The following ELMO1 variants were observed in gnomAD, a reference collection of about 807,000 sequenced individuals.
ELMO1 encodes the protein engulfment and cell motility protein 1.
Under a neutral mutation model 98.9 loss-of-function variants are expected in ELMO1, and 26 were observed. That is an observed-to-expected ratio of 0.26 (90% CI 0.19 to 0.36). The LOEUF (loss-of-function observed/expected upper bound fraction) is 0.36. Ranked by LOEUF, ELMO1 falls within the 10% of genes least tolerant of loss-of-function variation. The probability of loss-of-function intolerance (pLI) is 1.00; values close to 1 mark genes in which losing one functional copy is unlikely to be tolerated. For synonymous variants in ELMO1, 346 were observed against 346.0 expected (o/e 1.00, Z 0.00); for missense variants, 627 against 935.2 (o/e 0.67, Z 4.30).
chr7:37,421,226 C>T (rs1804457658), intron 1 of ELMO1, among the ~76,000 whole-genome samples: 2 of 152,324 alleles, frequency 1.3e-5, no homozygotes, highest in African/African-American at 2.4e-5. Flanking sequence ...AACACAACAG[C>T]CCATTTCAAG....
At chr7:37,354,894 C>A (rs1320008345) in intron 1 of ELMO1, among the ~76,000 whole-genome samples, 1 of 152,206 alleles carries the variant, frequency 6.6e-6, no homozygotes, top group African/African-American at 2.4e-5. Flanking sequence ...TTGGGCCTCT[C>A]TCCAGCAACA....
intron 12 of ELMO1, among the ~76,000 whole-genome samples, chr7:37,212,192 G>C (rs756131601): frequency 6.6e-6 from 1 of 152,190 alleles, no homozygotes; most frequent in African/African-American, 2.4e-5. Context: ...TTCATAGACA[G>C]AAACTAGAAT....
intron 1 of ELMO1, among the ~76,000 whole-genome samples, chr7:37,386,383 G>C (rs1802802234): frequency 6.6e-6 from 1 of 151,754 alleles, no homozygotes; most frequent in African/African-American, 2.4e-5. Flanking sequence ...GCTGGAGGGG[G>C]GAGCCCAGGT....
chr7:37,277,850 C>G (rs1310340360), intron 4 of ELMO1, among the ~76,000 whole-genome samples: 1 of 152,242 alleles, frequency 6.6e-6, no homozygotes, highest in Non-Finnish European at 1.5e-5. Flanking sequence ...TCTTTACTGG[C>G]ATAACTTTAT....
At chr7:37,348,009 A>T (rs1401595233) in intron 1 of ELMO1, among the ~76,000 whole-genome samples, 1 of 152,170 alleles carries the variant, frequency 6.6e-6, no homozygotes, top group Non-Finnish European at 1.5e-5. Flanking sequence ...TCCCTTTGTC[A>T]ACTTCTCCCC....
chr7:37,381,411 T>G (rs553158940), intron 1 of ELMO1, among the ~76,000 whole-genome samples: 1 of 152,290 alleles, frequency 6.6e-6, no homozygotes, highest in South Asian at 2.1e-4. Flanking sequence ...AGGCAGAGTT[T>G]GAGAAGCAGA....
At chr7:37,235,113 A>C (rs1482836862) in intron 7 of ELMO1, among the ~76,000 whole-genome samples, 2 of 152,234 alleles carry the variant, frequency 1.3e-5, no homozygotes, top group African/African-American at 2.4e-5. Context: ...AAAGAACAGA[A>C]CATTAGAAAG....
chr7:37,363,262 G>T (rs1801767485), intron 1 of ELMO1, among the ~76,000 whole-genome samples: 1 of 151,942 alleles, frequency 6.6e-6, no homozygotes, highest in Non-Finnish European at 1.5e-5. Context: ...ACATTCCCTA[G>T]GCCAAACCAA....
chr7:37,225,816 C>A (rs762845588), intron 8 of ELMO1, among the ~76,000 whole-genome samples: 15 of 152,116 alleles, frequency 9.9e-5, no homozygotes, highest in Non-Finnish European at 1.8e-4. Context: ...CACATGGGTA[C>A]CATAAAGGTT....
At chr7:37,080,561 C>T (rs965305622) in intron 15 of ELMO1, among the ~76,000 whole-genome samples, 54 of 151,024 alleles carry the variant, frequency 3.6e-4, no homozygotes, top group Non-Finnish European at 7.4e-4. Flanking sequence ...CCTCAGCATC[C>T]CAAGTAGCTG....
chr7:37,258,033 G>A (rs1795780255), intron 6 of ELMO1, among the ~76,000 whole-genome samples: 1 of 150,742 alleles, frequency 6.6e-6, no homozygotes, highest in African/African-American at 2.4e-5. Context: ...ACCTTGGGAG[G>A]CCAAGGCAGG....
chr7:36,863,079 G>A (rs1179145136), intron 20 of ELMO1, among the ~76,000 whole-genome samples: 1 of 152,122 alleles, frequency 6.6e-6, no homozygotes, highest in Non-Finnish European at 1.5e-5. Context: ...ACCTCCAGCT[G>A]TCCCTCATTG....
chr7:37,252,362 T>C (rs1468564811), intron 6 of ELMO1, among the ~76,000 whole-genome samples: 5 of 152,168 alleles, frequency 3.3e-5, no homozygotes, highest in East Asian at 1.9e-4. Flanking sequence ...CAGAACACCA[T>C]AGTACTGGTA....
At chr7:37,169,440 G>A (rs946017455) in intron 13 of ELMO1, among the ~76,000 whole-genome samples, 4 of 152,154 alleles carry the variant, frequency 2.6e-5, no homozygotes, top group Non-Finnish European at 4.4e-5. Context: ...CGTCGCTCAC[G>A]CTGGGAGCTG....
At chr7:36,868,259 G>A (rs1430126748) in intron 20 of ELMO1, among the ~76,000 whole-genome samples, 1 of 152,058 alleles carries the variant, frequency 6.6e-6, no homozygotes, top group Non-Finnish European at 1.5e-5. Flanking sequence ...ATTCCACGGT[G>A]ATGGTTTGCC....
chr7:37,127,536 G>A (rs768229798), intron 14 of ELMO1, among the ~76,000 whole-genome samples: 12 of 152,134 alleles, frequency 7.9e-5, no homozygotes, highest in Non-Finnish European at 4.4e-5. Context: ...TTTATAAAAT[G>A]GTGATAACAA....
At chr7:37,279,096 GGAGGCT>G (rs1345919729) in intron 4 of ELMO1, among the ~76,000 whole-genome samples, 1 of 152,160 alleles carries the variant, frequency 6.6e-6, no homozygotes, top group Admixed American at 6.5e-5. Context: ...CAGCTACTCA[GGAGGCT>G]GAGGCAGGAG....
At chr7:37,031,120 C>A (rs1794856304) in intron 15 of ELMO1, among the ~76,000 whole-genome samples, 1 of 152,156 alleles carries the variant, frequency 6.6e-6, no homozygotes, top group South Asian at 2.1e-4. Context: ...CATCACTGCT[C>A]TTCCGGATTA....
At chr7:37,362,726 T>A (rs1429484140) in intron 1 of ELMO1, among the ~76,000 whole-genome samples, 1 of 152,222 alleles carries the variant, frequency 6.6e-6, no homozygotes, top group Non-Finnish European at 1.5e-5. Flanking sequence ...CCAGAAGCTA[T>A]TTTTCCTTCA....
Sources: allele counts gnomAD v4.1 joint callset (sites outside exome capture counted in the v4.1 genomes callset), GRCh38; gene constraint gnomAD v4.1.1; transcripts MANE v1.5; gene names NCBI Gene and HGNC (gene_info 2026-07-23, HGNC 2026-07-21).